Variants in SRPK2 observed in about 807,000 individuals in gnomAD.
SRPK2 encodes SFRS protein kinase 2.
In SRPK2, 21 loss-of-function variants were observed where a neutral mutation model predicts 90.8. That is an observed-to-expected ratio of 0.23 (90% CI 0.16 to 0.33). The LOEUF is 0.33. Ranked by LOEUF, SRPK2 falls within the 10% of genes least tolerant of loss-of-function variation. The pLI is 1.00. For missense variants in SRPK2, 620 were observed against 869.0 expected (o/e 0.71, Z 3.60); for synonymous variants, 288 against 311.1 (o/e 0.93, Z 0.78).
At chr7:105,123,724 T>C (rs1800736658) in intron 15 of SRPK2, among the ~76,000 whole-genome samples, 1 of 152,166 alleles carries the variant, frequency 6.6e-6, no homozygotes, top group Non-Finnish European at 1.5e-5. Context: ...TGTTATCCTG[T>C]GACTTCTGTA....
intron 1 of SRPK2, among the ~76,000 whole-genome samples, chr7:105,395,028 C>T (rs1822283415): frequency 6.6e-6 from 1 of 152,122 alleles, no homozygotes. Context: ...CAAGAATTAG[C>T]TAGGCGTGGC....
intron 11 of SRPK2, among the ~76,000 whole-genome samples, chr7:105,134,190 A>G (rs1802450946): frequency 1.3e-5 from 2 of 152,206 alleles, no homozygotes; most frequent in African/African-American, 4.8e-5. Context: ...GTCCCTGCCC[A>G]TAACTCATGT....
intron 2 of SRPK2, among the ~76,000 whole-genome samples, chr7:105,328,245 T>A (rs1376702029): frequency 6.6e-6 from 1 of 152,132 alleles, no homozygotes; most frequent in East Asian, 1.9e-4. Context: ...TAAATCAATA[T>A]GCAGCCCAAT....
chr7:105,145,107 C>CAAAAAAAAAAAAAAAAAAAAAAAAAAA (rs10718877), intron 9 of SRPK2, among the ~76,000 whole-genome samples, 176 bp downstream of exon 9: 1 of 107,182 alleles, frequency 9.3e-6, no homozygotes, highest in African/African-American at 3.5e-5. Context: ...ACTCAGTTTT[C>CAAAAAAAAAAAAAAAAAAAAAAAAAAA]AAAAAAAAAA....
Position 105,170,937 on chromosome 7 carries a change from AAG to A in SRPK2, c.230-1674_230-1673del, listed in dbSNP as rs1491074899. 3.4e-4 allele frequency among the ~76,000 whole-genome samples: 12 copies of A among 35,590 alleles called. 1 individual carries two copies. Among genetic ancestry groups the A allele is most frequent in the African/African-American group, 1.0e-3 (11 of 10,964 alleles). The allele number at this position is 35,590 out of a possible 152,430, so 23.3% of individuals were successfully genotyped here. A position where few individuals can be genotyped will look rare whatever the true frequency, so the allele number is the denominator to read the frequency against. ...AAAGGAGAAAGAAAAAGAAAAAGGAAAGAAAGAAAGAAAGAAAGAAAGAAAGA... is the reference window on the plus strand; with the variant it reads ...AAAGGAGAAAGAAAAAGAAAAAGGAAAAAGAAAGAAAGAAAGAAAGAAAGA... On this transcript the variant is annotated intron_variant, in intron 3 of 15. Transcript: ENST00000393651.
rs538981252 is a variant in SRPK2, at chr7:105,177,076, A to G, written c.230-7811T>C. Among the ~76,000 whole-genome samples the G allele has an allele frequency of 1.8e-3, 267 of 152,306 alleles. 2 individuals are homozygous for G. Among genetic ancestry groups the G allele is most frequent in the African/African-American group, 5.8e-3 (243 of 41,560 alleles). ...TGGTTATACATGCTGCAATTCCGCT[A>G]ATATTAACCACTTCCAAAAAGTACC... is the stretch of plus-strand genomic sequence containing the variant. On this transcript the variant is annotated intron_variant, in intron 3 of 15. Transcript: ENST00000393651.
chr7:105,170,969 G>A (rs866450564), intron 3 of SRPK2, among the ~76,000 whole-genome samples: 5 of 51,106 alleles, frequency 9.8e-5, no homozygotes, highest in East Asian at 7.6e-4. Flanking sequence ...GAAAGAAAGA[G>A]AAAGAAAGAG....
chr7:105,130,096 A>G (rs946752174), intron 13 of SRPK2, among the ~76,000 whole-genome samples: 1 of 152,236 alleles, frequency 6.6e-6, no homozygotes, highest in Non-Finnish European at 1.5e-5. Flanking sequence ...CAAGAAAAGT[A>G]AAACAGATCC....
chr7:105,283,403 T>C (rs752372343), intron 2 of SRPK2, among the ~76,000 whole-genome samples: 13 of 152,162 alleles, frequency 8.5e-5, no homozygotes, highest in South Asian at 4.2e-4. Flanking sequence ...TGTCCATCAA[T>C]TGAGGAATGT....
chr7:105,334,503 G>C (rs2131765867), intron 2 of SRPK2, among the ~76,000 whole-genome samples: 1 of 152,130 alleles, frequency 6.6e-6, no homozygotes, highest in East Asian at 1.9e-4. Flanking sequence ...TTACAGGCAT[G>C]AGCCACTGCG....
At chr7:105,381,214 T>C (rs989937573) in intron 2 of SRPK2, among the ~76,000 whole-genome samples, 1 of 151,888 alleles carries the variant, frequency 6.6e-6, no homozygotes, top group African/African-American at 2.4e-5. Context: ...ACTGCATTCC[T>C]GTCTGGGTGA....
intron 11 of SRPK2, among the ~76,000 whole-genome samples, chr7:105,139,286 A>C (rs976445278): frequency 2.6e-5 from 4 of 152,328 alleles, no homozygotes; most frequent in African/African-American, 9.6e-5. Flanking sequence ...CCAAGACACC[A>C]GTAAGGAACC....
chr7:105,372,827 A>G (rs969774676), intron 2 of SRPK2, among the ~76,000 whole-genome samples: 14 of 152,266 alleles, frequency 9.2e-5, no homozygotes, highest in African/African-American at 3.4e-4. Flanking sequence ...GGTGGCTCAC[A>G]CCTATAATCC....
At chr7:105,368,368 T>C (rs1267609033) in intron 2 of SRPK2, among the ~76,000 whole-genome samples, 3 of 151,986 alleles carry the variant, frequency 2.0e-5, no homozygotes, top group Non-Finnish European at 2.9e-5. Context: ...AGAAAAAAAA[T>C]TTTTACTTTT....
intron 2 of SRPK2, among the ~76,000 whole-genome samples, chr7:105,382,552 CAAAAAAAAAA>C (rs71152969): frequency 6.3e-4 from 48 of 75,898 alleles, no homozygotes; most frequent in East Asian, 3.2e-3. Context: ...AACTCCATCT[CAAAAAAAAAA>C]AAAAAAAAAA....
intron 2 of SRPK2, among the ~76,000 whole-genome samples, chr7:105,306,809 T>C (rs571602513): frequency 1.3e-5 from 2 of 152,304 alleles, no homozygotes; most frequent in African/African-American, 4.8e-5. Flanking sequence ...TACAAGAACA[T>C]TTTTGTAGAA....
At chr7:105,386,492 T>C (rs1450808785) in intron 2 of SRPK2, among the ~76,000 whole-genome samples, 2 of 152,048 alleles carry the variant, frequency 1.3e-5, no homozygotes, top group Non-Finnish European at 2.9e-5. Context: ...GGCCGGTGAA[T>C]CACCTGAAGT....
intron 6 of SRPK2, among the ~76,000 whole-genome samples, chr7:105,167,102 C>A (rs1266611234): frequency 6.6e-6 from 1 of 151,846 alleles, no homozygotes; most frequent in Non-Finnish European, 1.5e-5. Flanking sequence ...ACAAAAAAAA[C>A]TTTACCACTA....
intron 2 of SRPK2, among the ~76,000 whole-genome samples, chr7:105,337,506 G>C (rs1815245283): frequency 6.6e-6 from 1 of 151,552 alleles, no homozygotes; most frequent in African/African-American, 2.4e-5. Flanking sequence ...GTAGAGACAG[G>C]GTTTCACCAT....
Sources: allele counts gnomAD v4.1 joint callset (sites outside exome capture counted in the v4.1 genomes callset), GRCh38; gene constraint gnomAD v4.1.1; transcripts MANE v1.5; gene names NCBI Gene and HGNC (gene_info 2026-07-23, HGNC 2026-07-21).